Variants in GRIN2B observed in about 807,000 individuals in gnomAD.
GRIN2B encodes the protein glutamate ionotropic receptor NMDA type subunit 2B.
In GRIN2B, 5 loss-of-function variants were observed where a neutral mutation model predicts 114.5. That is an observed-to-expected ratio of 0.04 (90% CI 0.02 to 0.09). The LOEUF is 0.09. Among genes scored for constraint, GRIN2B ranks in the 10% least tolerant of loss-of-function variants. GRIN2B has a pLI of 1.00. For synonymous variants in GRIN2B, 787 were observed against 745.1 expected, an observed-to-expected ratio of 1.06 and a Z score of -0.92; for missense variants, 1,108 against 1,943.5, an observed-to-expected ratio of 0.57 and a Z score of 8.08.
At chr12:13,921,964 C>T (rs1048530336) in intron 2 of GRIN2B, among the ~76,000 whole-genome samples, 9 of 152,078 alleles carry the variant, frequency 5.9e-5, no homozygotes, top group Non-Finnish European at 8.8e-5. Flanking sequence ...GCAACCTTGA[C>T]CAAGTTATTT....
intron 3 of GRIN2B, among the ~76,000 whole-genome samples, chr12:13,863,919 T>C (rs1354347156): frequency 1.3e-5 from 2 of 152,244 alleles, no homozygotes; most frequent in East Asian, 3.8e-4. Flanking sequence ...CTTAACCATA[T>C]CAGAATTCTT....
chr12:13,974,638 GA>G (rs1321182628), intron 2 of GRIN2B, among the ~76,000 whole-genome samples: 2 of 151,812 alleles, frequency 1.3e-5, no homozygotes, highest in African/African-American at 4.8e-5. Flanking sequence ...ACCCCTCCAT[GA>G]AGCCCTCCTC....
intron 5 of GRIN2B, among the ~76,000 whole-genome samples, chr12:13,646,652 C>T (rs987287840): frequency 5.3e-5 from 8 of 151,982 alleles, no homozygotes; most frequent in East Asian, 1.9e-4. Flanking sequence ...TCTTCCTCCT[C>T]CTCCTCCTCC....
intron 3 of GRIN2B, among the ~76,000 whole-genome samples, chr12:13,817,760 G>A (rs1399030570): frequency 6.6e-6 from 1 of 152,162 alleles, no homozygotes; most frequent in Non-Finnish European, 1.5e-5. Context: ...CAGGCCATGG[G>A]TTTCCAACCG....
Position 13,713,816 on chromosome 12 carries a change from CATT to C in GRIN2B, c.1011-37960_1011-37958del, listed in dbSNP as rs567465879. Among the ~76,000 whole-genome samples the C allele has an allele frequency of 3.1e-4, 47 of 151,972 alleles. No homozygotes were observed. In the South Asian group the frequency reaches 9.7e-3, roughly 31 times the overall value. The stretch of plus-strand genomic sequence containing the variant: ...TTCCTTCTTCTGAACAAAAGCTTGC[CATT>C]ATTACCAACCACTTAGAGCTTTTAG... On this transcript the variant is annotated intron_variant, in intron 4 of 13. Transcript: ENST00000609686.
At chr12:13,886,899 A>G (rs1866168981) in intron 2 of GRIN2B, among the ~76,000 whole-genome samples, 1 of 152,192 alleles carries the variant, frequency 6.6e-6, no homozygotes, top group Non-Finnish European at 1.5e-5. Context: ...TATATATAGT[A>G]ATTCACTTAA....
chr12:13,789,716 AAT>A (rs1166000371), intron 3 of GRIN2B, among the ~76,000 whole-genome samples: 2 of 152,196 alleles, frequency 1.3e-5, no homozygotes, highest in African/African-American at 4.8e-5. Flanking sequence ...GTAAGTGCTC[AAT>A]ATATGTTACT....
At chr12:13,595,864 A>C (rs1434827686) in intron 10 of GRIN2B, among the ~76,000 whole-genome samples, 1 of 152,172 alleles carries the variant, frequency 6.6e-6, no homozygotes, top group Non-Finnish European at 1.5e-5. Context: ...GTGCTTTTAA[A>C]AGGATAAAAA....
intron 2 of GRIN2B, among the ~76,000 whole-genome samples, chr12:13,960,207 T>C (rs947864407): frequency 9.9e-5 from 15 of 152,138 alleles, no homozygotes; most frequent in Non-Finnish European, 2.2e-4. Context: ...TAGAGACCCA[T>C]GGGTTAGAGG....
intron 10 of GRIN2B, among the ~76,000 whole-genome samples, chr12:13,608,302 T>C (rs1292339972): frequency 2.0e-5 from 3 of 152,110 alleles, no homozygotes; most frequent in Non-Finnish European, 2.9e-5. Flanking sequence ...CCTGTGCAGA[T>C]AGGCCACCCA....
intron 4 of GRIN2B, among the ~76,000 whole-genome samples, chr12:13,729,513 A>G (rs1863046253): frequency 6.6e-6 from 1 of 152,150 alleles, no homozygotes; most frequent in African/African-American, 2.4e-5. Context: ...GGTGGAAGGA[A>G]GAGTCATTAG....
At chr12:13,605,787 G>A (rs769478035) in intron 10 of GRIN2B, among the ~76,000 whole-genome samples, 8 of 152,108 alleles carry the variant, frequency 5.3e-5, no homozygotes, top group East Asian at 3.8e-4. Context: ...TTGTTACTGC[G>A]TGGCCCATGA....
Position 13,806,416 on chromosome 12 carries a change from T to G in GRIN2B, c.412-52501A>C, listed in dbSNP as rs148258368. Among the ~76,000 whole-genome samples, 529 of 152,282 alleles carry G rather than the reference T, an allele frequency of 3.5e-3. 4 individuals are homozygous for G. The highest frequency in any genetic ancestry group is 0.012 in the African/African-American group (509 of 41,572). ...TCTTGTATTTTTCATAATAGCCATTTTGACAGCTATGAGGTGATATCACAT... is the reference window on the plus strand; with the variant it reads ...TCTTGTATTTTTCATAATAGCCATTGTGACAGCTATGAGGTGATATCACAT... On this transcript the variant is annotated intron_variant, in intron 3 of 13. Transcript: ENST00000609686.
At chr12:13,775,095 C>T (rs145738206) in intron 3 of GRIN2B, among the ~76,000 whole-genome samples, 6 of 152,102 alleles carry the variant, frequency 3.9e-5, no homozygotes, top group African/African-American at 9.6e-5. Context: ...ACAGAAGTGA[C>T]GAGTTGGTTC....
chr12:13,870,114 C>T (rs141622416), intron 2 of GRIN2B, among the ~76,000 whole-genome samples: 12 of 152,144 alleles, frequency 7.9e-5, no homozygotes, highest in African/African-American at 2.4e-4. Flanking sequence ...TAAGAGGAAC[C>T]GCGCATGGGG....
intron 5 of GRIN2B, among the ~76,000 whole-genome samples, chr12:13,649,114 G>A (rs995380903): frequency 1.3e-5 from 2 of 152,002 alleles, no homozygotes; most frequent in Non-Finnish European, 2.9e-5. Context: ...TCATTTGGAG[G>A]GAATATTACT....
At chr12:13,653,119 G>T (rs111714703) in intron 5 of GRIN2B, among the ~76,000 whole-genome samples, 3,083 of 152,234 alleles carry the variant, frequency 0.02, 107 homozygotes, top group African/African-American at 0.071. Context: ...CGATAAAAGA[G>T]AAAATAAAGA....
intron 3 of GRIN2B, among the ~76,000 whole-genome samples, chr12:13,762,173 T>A (rs1386079308): frequency 6.6e-6 from 1 of 152,064 alleles, no homozygotes; most frequent in Non-Finnish European, 1.5e-5. Flanking sequence ...CCGGCTAATT[T>A]TTTGTATTTT....
At chr12:13,617,493 T>C (rs1458288660) in intron 5 of GRIN2B, among the ~76,000 whole-genome samples, 1 of 152,210 alleles carries the variant, frequency 6.6e-6, no homozygotes, top group Non-Finnish European at 1.5e-5. Flanking sequence ...GAGAAATGTA[T>C]GGGTTCCATT....
Sources: allele counts gnomAD v4.1 joint callset (sites outside exome capture counted in the v4.1 genomes callset), GRCh38; gene constraint gnomAD v4.1.1; transcripts MANE v1.5; gene names NCBI Gene and HGNC (gene_info 2026-07-23, HGNC 2026-07-21).